Variants in SDK1 observed in about 807,000 individuals in gnomAD.
The protein encoded by SDK1 is protein sidekick-1.
Under a neutral mutation model 245.5 loss-of-function variants are expected in SDK1, and 157 were observed. That is an observed-to-expected ratio of 0.64 (90% CI 0.56 to 0.73). The LOEUF (loss-of-function observed/expected upper bound fraction) is 0.73, where lower values mean the gene tolerates loss of function less well. Among genes scored for constraint, SDK1 ranks in the 30% least tolerant of loss-of-function variants. The pLI is 0.00. For missense variants in SDK1, 3,583 were observed against 3,002.3 expected (o/e 1.19, Z -4.52); for synonymous variants, 1,647 against 1,278.5 (o/e 1.29, Z -6.15).
intron 5 of SDK1, among the ~76,000 whole-genome samples, chr7:3,865,099 A>G (rs1278243499): frequency 6.6e-6 from 1 of 152,194 alleles, no homozygotes; most frequent in East Asian, 1.9e-4. Flanking sequence ...TTTTACTGAC[A>G]GGAGTAGAAA....
chr7:3,964,326 T>C (rs4720128), intron 9 of SDK1, among the ~76,000 whole-genome samples: 64,309 of 152,002 alleles, frequency 0.42, 16,125 homozygotes, highest in African/African-American at 0.71. Flanking sequence ...CTTCTCAGGG[T>C]AGCGTTGCCT....
At chr7:4,133,813 A>T (rs1427169279) in intron 28 of SDK1, among the ~76,000 whole-genome samples, 1 of 152,182 alleles carries the variant, frequency 6.6e-6, no homozygotes, top group Non-Finnish European at 1.5e-5. Flanking sequence ...CTCTCGGGAT[A>T]TTGCCATACC....
At chr7:4,162,669 G>A (rs1271906791) in intron 32 of SDK1, among the ~76,000 whole-genome samples, 1 of 151,994 alleles carries the variant, frequency 6.6e-6, no homozygotes, top group Non-Finnish European at 1.5e-5. Flanking sequence ...CAAAGTGCTG[G>A]GATTACAGAC....
At chr7:4,264,660 C>T (rs887240081) in intron 44 of SDK1, among the ~76,000 whole-genome samples, 3 of 151,066 alleles carry the variant, frequency 2.0e-5, no homozygotes, top group East Asian at 4.0e-4. Context: ...GTGTAGACCT[C>T]TCCTGAGTGA....
Position 3,378,708 on chromosome 7 carries a change from G to A in SDK1, c.298+76824G>A, listed in dbSNP as rs1035086645. ...TGTAGGTAAGGATCTGCAACTCAGC[G>A]TTGCGTGAAGGTTCTCACGCAGGAG... On this transcript the variant is annotated intron_variant, in intron 1 of 44. Coordinates refer to ENST00000404826, the MANE Select transcript of SDK1 (RefSeq NM_152744.4). Among the ~76,000 whole-genome samples, 11 of 152,156 alleles carry A rather than the reference G, an allele frequency of 7.2e-5. No individual in the cohort carries two copies. The East Asian group carries it at 9.7e-4, about 13-fold the overall frequency.
rs1453149219 is a variant in SDK1 at position 3,962,722 on chromosome 7, C to T, written c.1300C>T (p.Arg434Ter). The change falls in exon 9 of 45, where the codon CGA becomes TGA. Residue 434 changes from arginine (R) to a stop codon, truncating the protein, a stop_gained. Coordinates refer to ENST00000404826, the MANE Select transcript of SDK1 (RefSeq NM_152744.4). LOFTEE classifies it high-confidence loss of function. ...AISISRLQNP[R>*]YKVLASGGLR... ...CTCCATCAGCAGGCTCCAGAATCCTCGATACAAAGTGCTCGCCAGCGGAGG... is the reference window on the plus strand; with the variant it reads ...CTCCATCAGCAGGCTCCAGAATCCTTGATACAAAGTGCTCGCCAGCGGAGG... The T allele has an allele frequency of 4.3e-6, 7 of 1,613,640 alleles. No individual in the cohort carries two copies. Among genetic ancestry groups the T allele is most frequent in the African/African-American group, 1.3e-5 (1 of 74,916 alleles).
intron 1 of SDK1, among the ~76,000 whole-genome samples, chr7:3,355,608 C>T (rs566980160): frequency 1.3e-5 from 2 of 152,320 alleles, no homozygotes; most frequent in Non-Finnish European, 2.9e-5. Flanking sequence ...TCCATCTTCA[C>T]GGTACCTTTC....
rs1300154144 is a variant in SDK1, at chr7:3,437,519, C to T, written c.298+135635C>T. Among the ~76,000 whole-genome samples the T allele has an allele frequency of 2.6e-5, 4 of 152,108 alleles. 1 individual carries two copies. Among genetic ancestry groups the T allele is most frequent in the African/African-American group, 4.8e-5 (2 of 41,412 alleles). ...GGGTGCAGTGGCTCACACTTGTAAT[C>T]TCAGAGCTTTGGGAAGCTGAGGTGG... On this transcript the variant is annotated intron_variant, in intron 1 of 44. Coordinates refer to ENST00000404826, the MANE Select transcript of SDK1 (RefSeq NM_152744.4).
intron 1 of SDK1, chr7:3,302,157 A>T (rs1779287156): frequency 6.2e-6 from 1 of 161,764 alleles, no homozygotes; most frequent in Non-Finnish European, 1.3e-5. Context: ...TTGAGGACCC[A>T]TTTCTCAGCT....
At chr7:3,941,929 G>A (rs1260518530) in intron 5 of SDK1, among the ~76,000 whole-genome samples, 1 of 122,996 alleles carries the variant, frequency 8.1e-6, no homozygotes, top group East Asian at 2.2e-4. Flanking sequence ...TTTTTTTTGA[G>A]ACACAGTCTT....
At chr7:4,180,867 C>G (rs1423267402) in intron 35 of SDK1, among the ~76,000 whole-genome samples, 1 of 152,172 alleles carries the variant, frequency 6.6e-6, no homozygotes, top group Non-Finnish European at 1.5e-5. Flanking sequence ...ATCCCCATCC[C>G]CTCCCGCCAG....
At chr7:3,792,559 C>G (rs868449350) in intron 4 of SDK1, among the ~76,000 whole-genome samples, 38 of 152,168 alleles carry the variant, frequency 2.5e-4, no homozygotes, top group South Asian at 1.4e-3. Flanking sequence ...TGCTCTCACT[C>G]TCTAACCCAC....
intron 5 of SDK1, among the ~76,000 whole-genome samples, chr7:3,898,817 A>C (rs1457037358): frequency 6.6e-6 from 1 of 152,162 alleles, no homozygotes; most frequent in Non-Finnish European, 1.5e-5. Context: ...TGATTGTTTC[A>C]TTTTTAAGTG....
chr7:4,031,658 A>G (rs1292484413), intron 17 of SDK1, among the ~76,000 whole-genome samples: 2 of 152,322 alleles, frequency 1.3e-5, no homozygotes, highest in South Asian at 2.1e-4. Context: ...CTACATATAA[A>G]TATATGTAGA....
chr7:4,267,436 G>C lies in SDK1; in HGVS notation c.*2052G>C. The C allele has an allele frequency of 1.0e-6, 1 of 985,336 alleles. No homozygotes were observed. Among genetic ancestry groups the C allele is most frequent in the Non-Finnish European group, 1.2e-6 (1 of 829,958 alleles). The allele number at this position is 985,336 out of a possible 1,614,324, so 61.0% of individuals were successfully genotyped here. ...CCAAAGCCACTTCTGCATGAGAATC[G>C]CAACCCACAGTTCCCCGGATGAGAC... On this transcript the variant is annotated 3_prime_UTR_variant, in exon 45 of 45. Coordinates refer to ENST00000404826, the MANE Select transcript of SDK1 (RefSeq NM_152744.4).
chr7:3,986,080 C>G (rs965015424), intron 13 of SDK1, among the ~76,000 whole-genome samples: 2 of 151,970 alleles, frequency 1.3e-5, no homozygotes, highest in African/African-American at 2.4e-5. Flanking sequence ...ATTCAGGAGA[C>G]GTGAAGGTTC....
chr7:3,437,973 T>A (rs1300600446), intron 1 of SDK1, among the ~76,000 whole-genome samples: 2 of 152,136 alleles, frequency 1.3e-5, no homozygotes, highest in African/African-American at 4.8e-5. Context: ...TCTTTTACAC[T>A]CTCTCATTTA....
chr7:3,346,014 G>A (rs767972801), intron 1 of SDK1, among the ~76,000 whole-genome samples: 1 of 152,168 alleles, frequency 6.6e-6, no homozygotes, highest in Non-Finnish European at 1.5e-5. Context: ...ATTGTTAGAT[G>A]TTTCTGGCAC....
At chr7:3,639,571 A>G (rs751241202) in intron 3 of SDK1, among the ~76,000 whole-genome samples, 1 of 152,158 alleles carries the variant, frequency 6.6e-6, no homozygotes, top group Non-Finnish European at 1.5e-5. Context: ...CATTCATGTG[A>G]TAGTGATTTA....
Sources: gnomAD v4.1 joint callset for allele counts (sites outside exome capture counted in the v4.1 genomes callset) on GRCh38, gnomAD v4.1.1 for gene constraint, MANE v1.5 for transcripts, NCBI Gene and HGNC (gene_info 2026-07-23, HGNC 2026-07-21) for gene names.